Variants in CTNND2 observed in about 807,000 individuals in gnomAD.
CTNND2 encodes the protein catenin delta 2.
In CTNND2, 22 loss-of-function variants were observed where a neutral mutation model predicts 144.4. The ratio of observed to expected loss-of-function variants is 0.15; its 90% confidence interval spans 0.11 to 0.22. The LOEUF (loss-of-function observed/expected upper bound fraction) is 0.22, where lower values mean the gene tolerates loss of function less well. CTNND2 is among the 10% of genes least tolerant of loss of function. CTNND2 has a pLI of 1.00. For missense variants in CTNND2, 1,353 were observed against 1,618.8 expected (o/e 0.84, Z 2.82); for synonymous variants, 751 against 695.6 (o/e 1.08, Z -1.25).
intron 16 of CTNND2, among the ~76,000 whole-genome samples, chr5:11,040,298 C>T (rs1744569769): frequency 6.6e-6 from 1 of 152,094 alleles, no homozygotes; most frequent in African/African-American, 2.4e-5. Flanking sequence ...ATATAAGATC[C>T]TATTTCACAT....
chr5:11,032,665 A>G (rs1333699165), intron 16 of CTNND2, among the ~76,000 whole-genome samples: 1 of 152,200 alleles, frequency 6.6e-6, no homozygotes, highest in Non-Finnish European at 1.5e-5. Flanking sequence ...AACAAAATAC[A>G]TGGAATACTA....
At chr5:11,662,892 T>C (rs1466864320) in intron 2 of CTNND2, among the ~76,000 whole-genome samples, 1 of 152,120 alleles carries the variant, frequency 6.6e-6, no homozygotes. Context: ...AGATTTCTGG[T>C]CTACATGAAA....
intron 12 of CTNND2, among the ~76,000 whole-genome samples, chr5:11,139,373 C>T (rs538879235): frequency 3.4e-4 from 52 of 152,330 alleles, no homozygotes; most frequent in South Asian, 2.1e-4. Flanking sequence ...TGTGAAAGCA[C>T]GCTGACAGTG....
intron 7 of CTNND2, among the ~76,000 whole-genome samples, chr5:11,379,601 T>C (rs897096698): frequency 7.2e-5 from 11 of 151,990 alleles, no homozygotes; most frequent in African/African-American, 2.7e-4. Flanking sequence ...CAGGAAAAAA[T>C]ATAAAAAGTA....
intron 3 of CTNND2, among the ~76,000 whole-genome samples, chr5:11,509,033 A>C (rs1013311521): frequency 6.6e-6 from 1 of 152,228 alleles, no homozygotes; most frequent in African/African-American, 2.4e-5. Flanking sequence ...AGGGACTTTA[A>C]TAAGATGTTA....
intron 10 of CTNND2, among the ~76,000 whole-genome samples, chr5:11,225,350 T>A (rs1055052085): frequency 1.3e-5 from 2 of 152,322 alleles, no homozygotes; most frequent in Non-Finnish European, 2.9e-5. Context: ...AGAAGCCAAA[T>A]TGTTTCCTGA....
intron 16 of CTNND2, among the ~76,000 whole-genome samples, chr5:11,039,281 T>A (rs753535854): frequency 5.3e-5 from 8 of 152,372 alleles, no homozygotes; most frequent in Non-Finnish European, 1.0e-4. Flanking sequence ...TGACTAAATG[T>A]AACCTTACAA....
intron 9 of CTNND2, among the ~76,000 whole-genome samples, chr5:11,277,580 G>A (rs1746675935): frequency 6.6e-6 from 1 of 151,168 alleles, no homozygotes; most frequent in East Asian, 1.9e-4. Context: ...TACCCAGGCT[G>A]GAGTGCAGTG....
chr5:11,750,538 T>C (rs1249748286), intron 1 of CTNND2, among the ~76,000 whole-genome samples: 1 of 151,890 alleles, frequency 6.6e-6, no homozygotes, highest in Non-Finnish European at 1.5e-5. Flanking sequence ...CAAAAGTTTC[T>C]GAGTTAAAAG....
chr5:11,291,626 T>C (rs1192681061), intron 9 of CTNND2, among the ~76,000 whole-genome samples: 3 of 152,138 alleles, frequency 2.0e-5, no homozygotes. Context: ...GTCCTTTCTC[T>C]CTGGTACCGC....
intron 16 of CTNND2, among the ~76,000 whole-genome samples, chr5:11,079,789 G>T (rs1019349961): frequency 6.6e-6 from 1 of 152,126 alleles, no homozygotes; most frequent in Middle Eastern, 3.2e-3. Context: ...TCCACATATG[G>T]AAGAATGAAA....
Position 11,667,668 on chromosome 5 carries a change from C to T in CTNND2, c.174+64468G>A, listed in dbSNP as rs186480324. On this transcript the variant is annotated intron_variant, in intron 2 of 21. Coordinates refer to ENST00000304623, the MANE Select transcript of CTNND2 (RefSeq NM_001332.4). The stretch of plus-strand genomic sequence containing the variant: ...TCTTTGTAGATTCTGAATATTAGCC[C>T]TTTGTCAGATGGATGGATTGCAAAA... 1.2e-3 allele frequency among the ~76,000 whole-genome samples: 179 copies of T among 152,236 alleles called. 1 individual carries two copies. Among genetic ancestry groups the T allele is most frequent in the African/African-American group, 4.1e-3 (170 of 41,562 alleles).
chr5:10,988,060 T>TCG lies in CTNND2; in HGVS notation c.3343+49_3343+50dup, dbSNP rs1398422029. On this transcript the variant is annotated intron_variant, in intron 20 of 21. Coordinates refer to ENST00000304623, the MANE Select transcript of CTNND2 (RefSeq NM_001332.4). The surrounding 1 kb of genome is among the most constrained non-coding windows in gnomAD (Gnocchi z 5.9). ...CCTGATGTCCCATATCTCTGCCTTG[T>TCG]CGCGGGTCAAGCCACCAAGTTCCAG... 1 of 1,609,454 alleles carries TCG rather than the reference T, an allele frequency of 6.2e-7. No individual in the cohort carries two copies. Among genetic ancestry groups the TCG allele is most frequent in the Non-Finnish European group, 8.5e-7 (1 of 1,177,508 alleles).
chr5:11,555,369 T>G (rs1028940172), intron 3 of CTNND2, among the ~76,000 whole-genome samples: 2 of 152,112 alleles, frequency 1.3e-5, no homozygotes, highest in Non-Finnish European at 1.5e-5. Context: ...TGGGGTACTA[T>G]ATAGACATGG....
intron 3 of CTNND2, among the ~76,000 whole-genome samples, chr5:11,535,154 CT>C (rs1179344696): frequency 6.7e-6 from 1 of 150,216 alleles, no homozygotes; most frequent in Non-Finnish European, 1.5e-5. Flanking sequence ...CGCCACTGCA[CT>C]CCAGCCTGGG....
At chr5:11,309,323 G>A (rs932248859) in intron 9 of CTNND2, among the ~76,000 whole-genome samples, 32 of 152,310 alleles carry the variant, frequency 2.1e-4, no homozygotes, top group African/African-American at 7.7e-4. Flanking sequence ...GAGCCACAGG[G>A]GCAGAGCTCC....
intron 11 of CTNND2, among the ~76,000 whole-genome samples, chr5:11,162,516 G>C (rs374159346): frequency 2.0e-5 from 3 of 152,048 alleles, no homozygotes; most frequent in African/African-American, 7.2e-5. Context: ...CTCCATCTGC[G>C]AGTCACATTC....
chr5:11,512,334 C>T (rs1225998345), intron 3 of CTNND2, among the ~76,000 whole-genome samples: 3 of 152,256 alleles, frequency 2.0e-5, no homozygotes, highest in Non-Finnish European at 4.4e-5. Flanking sequence ...CGTCTCTACA[C>T]ATTGCTGCTG....
intron 3 of CTNND2, among the ~76,000 whole-genome samples, chr5:11,456,625 T>C (rs948366296): frequency 6.6e-6 from 1 of 152,172 alleles, no homozygotes; most frequent in Non-Finnish European, 1.5e-5. Context: ...TTTCCAAAAG[T>C]ACATCCAGGG....
Sources: gnomAD v4.1 joint callset for allele counts (sites outside exome capture counted in the v4.1 genomes callset) on GRCh38, gnomAD v4.1.1 for gene constraint, Gnocchi (gnomAD v3.1) non-coding constraint, MANE v1.5 for transcripts, NCBI Gene and HGNC (gene_info 2026-07-23, HGNC 2026-07-21) for gene names.